Variants in CEP131 observed in about 807,000 individuals in gnomAD.
CEP131 encodes centrosomal protein of 131 kDa.
A neutral mutation model predicts 136.8 loss-of-function variants in CEP131; 99 were observed. That is an observed-to-expected ratio of 0.72 (90% CI 0.62 to 0.86). The LOEUF is 0.86. Ranked by LOEUF, CEP131 falls within the 40% of genes least tolerant of loss-of-function variation. The probability of loss-of-function intolerance (pLI) is 0.00; values close to 1 mark genes in which losing one functional copy is unlikely to be tolerated. For synonymous variants in CEP131, 646 were observed against 612.7 expected, an observed-to-expected ratio of 1.05 and a Z score of -0.80; for missense variants, 1,459 against 1,463.0, an observed-to-expected ratio of 1.00 and a Z score of 0.04.
intron 2 of CEP131, among the ~76,000 whole-genome samples, chr17:81,210,710 G>A (rs2062113215): frequency 1.3e-5 from 2 of 152,054 alleles, no homozygotes; most frequent in South Asian, 4.1e-4. Flanking sequence ...AGGTGCCCAT[G>A]CCACCACAGG....
In CEP131 at chr17:81,222,789, G is replaced by GC. The variant is rs2062417557; in HGVS notation, c.-39dup. 6.6e-6 allele frequency: 1 copy of GC among 152,256 alleles called. No individual in the cohort carries two copies. Among genetic ancestry groups the GC allele is most frequent in the Non-Finnish European group, 1.5e-5 (1 of 68,072 alleles). 9.4% of individuals were successfully genotyped at this position (152,256 alleles called of 1,614,324 possible). On this transcript the variant is annotated 5_prime_UTR_variant, in exon 1 of 26. Coordinates refer to ENST00000450824, the MANE Select transcript of CEP131 (RefSeq NM_014984.4). ...CTCACCTGCGCGGGCCGGGGGCGCAGCCGCGAAGCCTGCCTGGCGCGCGGG... is the reference window on the plus strand; with the variant it reads ...CTCACCTGCGCGGGCCGGGGGCGCAGCCCGCGAAGCCTGCCTGGCGCGCGGG...
chr17:81,214,413 C>T (rs9894363), intron 2 of CEP131, among the ~76,000 whole-genome samples: 85 of 151,844 alleles, frequency 5.6e-4, no homozygotes, highest in African/African-American at 1.8e-3. Flanking sequence ...AAACTTAGCC[C>T]GGCATGGTGG....
At chr17:81,207,102 T>C (rs1407352873) in intron 4 of CEP131, 23 bp downstream of exon 4, 2 of 1,600,666 alleles carry the variant, frequency 1.2e-6, no homozygotes, top group South Asian at 2.2e-5. Flanking sequence ...GACCAGGACG[T>C]GGGGCCGCAT....
intron 6 of CEP131, among the ~76,000 whole-genome samples, chr17:81,202,889 G>A (rs1467432264): frequency 6.6e-6 from 1 of 151,970 alleles, no homozygotes; most frequent in Non-Finnish European, 1.5e-5. Context: ...GCTTGAACCT[G>A]GGAGGCAGAG....
rs1209489760 is a variant in CEP131 at position 81,203,617 on chromosome 17, C to A, written c.516-10G>T. 6.3e-7 allele frequency: 1 copy of A among 1,576,588 alleles called. No individual in the cohort carries two copies. Among genetic ancestry groups the A allele is most frequent in the Non-Finnish European group, 8.6e-7 (1 of 1,160,990 alleles). On this transcript the variant is annotated splice_polypyrimidine_tract_variant and intron_variant, in intron 5 of 25. Coordinates refer to ENST00000450824, the MANE Select transcript of CEP131 (RefSeq NM_014984.4). The surrounding 1 kb of genome is among the most constrained non-coding windows in gnomAD (Gnocchi z 4.6). ...TGCTCCCTTGTTGCTCCTGCCAGGCCGGAAGAGAGACAGGAATGGTCAGGC... is the reference window on the plus strand; with the variant it reads ...TGCTCCCTTGTTGCTCCTGCCAGGCAGGAAGAGAGACAGGAATGGTCAGGC...
chr17:81,203,729 G>A lies in CEP131; in HGVS notation c.516-122C>T. On this transcript the variant is annotated intron_variant, in intron 5 of 25. Transcript: ENST00000450824. This position sits in a 1 kb window ranked among gnomAD's most constrained non-coding sequence, Gnocchi z 4.6. ...AGGCCTTCAGTGCTTGCTACGTGCTGGCAGCATTGTCGTCCAGTGTCCCCA... is the reference window on the plus strand; with the variant it reads ...AGGCCTTCAGTGCTTGCTACGTGCTAGCAGCATTGTCGTCCAGTGTCCCCA... 2.8e-6 allele frequency: 2 copies of A among 720,866 alleles called. No individual in the cohort carries two copies. The highest frequency in any genetic ancestry group is 4.6e-6 in the Non-Finnish European group (2 of 434,098). 44.7% of individuals were successfully genotyped at this position (720,866 alleles called of 1,614,324 possible).
intron 2 of CEP131, among the ~76,000 whole-genome samples, chr17:81,217,276 C>T (rs1446888692): frequency 8.5e-5 from 13 of 152,058 alleles, no homozygotes. Context: ...GCAGTTACAT[C>T]CTGGATGGGG....
chr17:81,191,155 C>T (rs370696712), intron 22 of CEP131, 38 bp downstream of exon 22: 1 of 1,608,710 alleles, frequency 6.2e-7, no homozygotes, highest in Non-Finnish European at 8.5e-7. Context: ...AGCTCGTGGG[C>T]CTCCCCAGCT....
chr17:81,206,900 C>T (rs1343448479), intron 4 of CEP131, 29 bp from the exon 5 acceptor site: 5 of 1,603,402 alleles, frequency 3.1e-6, no homozygotes, highest in African/African-American at 1.3e-5. Context: ...CATGACACCG[C>T]CCGCACACAC....
chr17:81,198,168 C>A lies in CEP131; in HGVS notation c.1417G>T (p.Val473Leu). ...TLQLLEKEPD[V>L]LPRPRTHHRG... Reference sequence around the variant, plus strand: ...TGATGGGTCCTGGGGCGGGGCAGCACGTCCGGCTCCTTCTCCAGCAGCTGC... The same window carrying A: ...TGATGGGTCCTGGGGCGGGGCAGCAAGTCCGGCTCCTTCTCCAGCAGCTGC... Residue 473 changes from valine (V) to leucine (L), a missense_variant, in exon 12 of 26, where the codon GTG becomes TTG. Physicochemically the swap from Val to Leu is conservative, Grantham distance 32. Around this residue, in one of 3 missense-constraint regions of CEP131, gnomAD observed 1,026 missense variants for 964.2 expected, o/e 1.06. Coordinates refer to ENST00000450824, the MANE Select transcript of CEP131 (RefSeq NM_014984.4). 6.3e-7 allele frequency: 1 copy of A among 1,576,058 alleles called. No homozygotes were observed. The highest frequency in any genetic ancestry group is 8.6e-7 in the Non-Finnish European group (1 of 1,160,922).
In CEP131 at chr17:81,199,108, C is replaced by T. The variant is rs1036038998; in HGVS notation, c.1193-137G>A. On this transcript the variant is annotated intron_variant, in intron 10 of 25. Transcript: ENST00000450824. ...AAGCAGAGGAGCCGCTGGGGAGCCA[C>T]GGCCTTCTGGGTGTGGAGCTGTGGA... 2.1e-5 allele frequency: 19 copies of T among 895,658 alleles called. No individual in the cohort carries two copies. The Admixed American group carries it at 2.6e-4, about 12-fold the overall frequency. 55.5% of individuals were successfully genotyped at this position (895,658 alleles called of 1,614,324 possible). A position where few individuals can be genotyped will look rare whatever the true frequency, so the allele number is the denominator to read the frequency against.
At chr17:81,210,600 C>T (rs538720333) in intron 2 of CEP131, among the ~76,000 whole-genome samples, 1 of 152,064 alleles carries the variant, frequency 6.6e-6, no homozygotes, top group African/African-American at 2.4e-5. Flanking sequence ...CCAAATCAAA[C>T]ATTTCAGGGG....
intron 4 of CEP131, 25 bp from the exon 5 acceptor site, chr17:81,206,896 A>G (rs2062019696): frequency 6.2e-6 from 10 of 1,605,676 alleles, no homozygotes; most frequent in African/African-American, 1.3e-5. Context: ...AGCCCATGAC[A>G]CCGCCCGCAC....
Position 81,197,845 on chromosome 17 carries a change from A to G in CEP131, c.1514T>C (p.Phe505Ser), listed in dbSNP as rs778958057. 3.7e-5 allele frequency: 59 copies of G among 1,612,986 alleles called. No individual in the cohort carries two copies. Among genetic ancestry groups the G allele is most frequent in the Non-Finnish European group, 4.7e-5 (56 of 1,179,890 alleles). Reference protein sequence around the residue: ...SSLTADNLEKFGKLSAFPEPP... With the variant: ...SSLTADNLEKSGKLSAFPEPP... ...TTCGGGGAACGCACTGAGTTTTCCA[A>G]ATTTCTCCAAGTTGTCAGCTGTCAG... Residue 505 changes from phenylalanine to serine, a missense_variant, in exon 13 of 26, where the codon TTT becomes TCT. By Grantham distance (155) the Phe-to-Ser change is radical (BLOSUM62 -2). This residue lies in a region of CEP131 where 1,026 missense variants were observed against 964.2 expected (regional missense o/e 1.06). Transcript: ENST00000450824.
Position 81,198,672 on chromosome 17 carries a change from G to A in CEP131, c.1287+205C>T, listed in dbSNP as rs150953405. ...CCAGGACATCTGCAAAAACCCAACT[G>A]GATCCACCCCAGCAAAGGCTCCCCA... On this transcript the variant is annotated intron_variant, in intron 11 of 25. Transcript: ENST00000450824. Among the ~76,000 whole-genome samples the A allele has an allele frequency of 3.7e-3, 557 of 152,240 alleles. 2 individuals are homozygous for A. The highest frequency in any genetic ancestry group is 0.013 in the African/African-American group (531 of 41,538).
chr17:81,191,060 G>C lies in CEP131; in HGVS notation c.2790C>G (p.Tyr930Ter). 1 of 1,607,144 alleles carries C rather than the reference G, an allele frequency of 6.2e-7. No individual in the cohort carries two copies. Among genetic ancestry groups the C allele is most frequent in the Non-Finnish European group, 8.5e-7 (1 of 1,176,780 alleles). ...GCTCCAGCTCGGAGAGCTCGGCCTCGTACTTGTCCCGTAAGCGCTTGATGC... is the reference window on the plus strand; with the variant it reads ...GCTCCAGCTCGGAGAGCTCGGCCTCCTACTTGTCCCGTAAGCGCTTGATGC... ...ESRIKRLRDK[Y>*]EAELSELEQS... The change falls in exon 23 of 26, where the codon TAC becomes TAG. Residue 930 changes from tyrosine to a stop codon, truncating the protein, a stop_gained. Coordinates refer to ENST00000450824, the MANE Select transcript of CEP131 (RefSeq NM_014984.4). LOFTEE classifies it high-confidence loss of function.
rs2279916 is a variant in CEP131 at position 81,192,401 on chromosome 17, C to T, written c.2548-9G>A. ...AGGGTATTCAGCTCCATCTGGGGGG[C>T]GGACATAAGAGGCCAGTCAGTCCCA... On this transcript the variant is annotated splice_polypyrimidine_tract_variant and intron_variant, in intron 20 of 25. Transcript: ENST00000450824. 0.061 allele frequency: 98,921 copies of T among 1,609,330 alleles called. 4,008 individuals carry two copies. Among genetic ancestry groups the T allele is most frequent in the African/African-American group, 0.16 (12,004 of 74,906 alleles).
chr17:81,213,829 G>C (rs556020118), intron 2 of CEP131, among the ~76,000 whole-genome samples: 13 of 152,206 alleles, frequency 8.5e-5, no homozygotes, highest in Admixed American at 2.0e-4. Flanking sequence ...ACCCCAGACA[G>C]GATGGGGTGA....
intron 3 of CEP131, among the ~76,000 whole-genome samples, chr17:81,207,952 C>A (rs201519419): frequency 3.2e-3 from 1 of 308 alleles, no homozygotes; most frequent in South Asian, 0.056. Flanking sequence ...CCACACACAC[C>A]CCATACACAC....
Sources: allele counts gnomAD v4.1 joint callset (sites outside exome capture counted in the v4.1 genomes callset), GRCh38; gene constraint gnomAD v4.1.1; regional missense constraint gnomAD v4.1.1; non-coding constraint Gnocchi (gnomAD v3.1); transcripts MANE v1.5; gene names NCBI Gene and HGNC (gene_info 2026-07-23, HGNC 2026-07-21).